GRIA1: variants seen among roughly 807,000 people sequenced by gnomAD.
The protein encoded by GRIA1 is glutamate ionotropic receptor AMPA type subunit 1.
GRIA1 carries 31 observed loss-of-function variants against 99.2 expected under a neutral mutation model. The observed-to-expected ratio is 0.31, with a 90% confidence interval of 0.23 to 0.42. GRIA1 has a LOEUF of 0.42. Among genes scored for constraint, GRIA1 ranks in the 10% least tolerant of loss-of-function variants. The pLI is 1.00. For synonymous variants in GRIA1, 438 were observed against 432.4 expected (o/e 1.01, Z -0.16); for missense variants, 782 against 1,157.5 (o/e 0.68, Z 4.71).
chr5:153,750,952 T>G (rs1762473749), intron 11 of GRIA1, among the ~76,000 whole-genome samples: 1 of 151,912 alleles, frequency 6.6e-6, no homozygotes, highest in Non-Finnish European at 1.5e-5. Flanking sequence ...CAAAAAAAAT[T>G]AGCTAGGCGT....
intron 2 of GRIA1, among the ~76,000 whole-genome samples, chr5:153,498,709 A>G (rs1360145667): frequency 6.6e-6 from 1 of 152,176 alleles, no homozygotes. Context: ...TATTTGGCAT[A>G]AAAATCCAGA....
rs974561632 is a variant in GRIA1, at chr5:153,527,156, A to G, written c.220+33091A>G. 1.8e-4 allele frequency among the ~76,000 whole-genome samples: 27 copies of G among 152,208 alleles called. 1 individual carries two copies. Among genetic ancestry groups the G allele is most frequent in the Non-Finnish European group, 4.4e-5 (3 of 68,036 alleles). On this transcript the variant is annotated intron_variant, in intron 2 of 15. Transcript: ENST00000285900. ...TTGAGAACACAATCCTGAACTCCGC[A>G]ATCTTGAATACTGAAATCGCAAAAA...
chr5:153,758,552 T>C (rs1762976501), intron 11 of GRIA1, among the ~76,000 whole-genome samples: 1 of 151,892 alleles, frequency 6.6e-6, no homozygotes, highest in Non-Finnish European at 1.5e-5. Flanking sequence ...ATCAGAGCAG[T>C]TAAATATGTA....
intron 2 of GRIA1, among the ~76,000 whole-genome samples, chr5:153,643,148 G>T (rs1462567642): frequency 6.6e-6 from 1 of 152,072 alleles, no homozygotes; most frequent in Non-Finnish European, 1.5e-5. Context: ...AGTGCACTGG[G>T]GGTTGCTAGA....
chr5:153,619,765 C>T (rs1055874324), intron 2 of GRIA1, among the ~76,000 whole-genome samples: 6 of 152,116 alleles, frequency 3.9e-5, no homozygotes, highest in African/African-American at 1.4e-4. Flanking sequence ...AACCGTTTGG[C>T]CTTTCTGGCC....
chr5:153,790,109 G>A (rs1216178344), intron 13 of GRIA1, among the ~76,000 whole-genome samples: 1 of 152,182 alleles, frequency 6.6e-6, no homozygotes, highest in Non-Finnish European at 1.5e-5. Flanking sequence ...TTCAGAGCAA[G>A]GCTAACCCCA....
intron 2 of GRIA1, among the ~76,000 whole-genome samples, chr5:153,585,178 C>A (rs956242119): frequency 1.3e-5 from 2 of 152,128 alleles, no homozygotes; most frequent in African/African-American, 4.8e-5. Flanking sequence ...CAAGTTGGAA[C>A]AGCAGGTGCC....
At chr5:153,655,529 C>T (rs1754877765) in intron 4 of GRIA1, among the ~76,000 whole-genome samples, 1 of 152,194 alleles carries the variant, frequency 6.6e-6, no homozygotes, top group Non-Finnish European at 1.5e-5. Flanking sequence ...AGTAACACCA[C>T]TCTACCCTTG....
At chr5:153,686,888 G>A (rs917285489) in intron 8 of GRIA1, among the ~76,000 whole-genome samples, 5 of 152,096 alleles carry the variant, frequency 3.3e-5, no homozygotes, top group Non-Finnish European at 7.4e-5. Flanking sequence ...ATGTGCCCGG[G>A]CCTCTGCCGA....
intron 13 of GRIA1, among the ~76,000 whole-genome samples, chr5:153,785,180 AC>A (rs1158567994): frequency 1.3e-5 from 2 of 152,086 alleles, no homozygotes; most frequent in African/African-American, 4.8e-5. Flanking sequence ...AGAACTGTGC[AC>A]CCCTGAACCC....
intron 2 of GRIA1, among the ~76,000 whole-genome samples, chr5:153,612,702 G>T (rs144526411): frequency 2.6e-5 from 4 of 152,162 alleles, no homozygotes; most frequent in Middle Eastern, 3.2e-3. Context: ...TGCATAATCC[G>T]TAAGGGACTT....
chr5:153,741,524 AATAG>A (rs573023659), intron 11 of GRIA1, among the ~76,000 whole-genome samples: 8 of 152,342 alleles, frequency 5.3e-5, no homozygotes, highest in East Asian at 3.8e-4. Context: ...TTGACAGATG[AATAG>A]ATAAAGAAAA....
rs368159001 is a variant in GRIA1 at position 153,647,094 on chromosome 5, G to T, written c.387G>T (p.Leu129=). The change falls in exon 3 of 16, where the codon CTG becomes CTT. Residue 129 remains leucine (L), a synonymous_variant. Coordinates refer to ENST00000285900, the MANE Select transcript of GRIA1 (RefSeq NM_000827.4). ...TTGTCCTTCAGCTGCGCCCTGAACT[G>T]CAGGATGCCCTCATCAGCATCATTG... The part of the protein sequence containing the change: ...NQFVLQLRPE[L]QDALISIIDH... 3.1e-6 allele frequency: 5 copies of T among 1,613,864 alleles called. No homozygotes were observed. The highest frequency in any genetic ancestry group is 4.2e-6 in the Non-Finnish European group (5 of 1,179,876).
At chr5:153,772,248 G>A (rs2149621189) in intron 13 of GRIA1, among the ~76,000 whole-genome samples, 1 of 151,952 alleles carries the variant, frequency 6.6e-6, no homozygotes, top group African/African-American at 2.4e-5. Flanking sequence ...TGGGAAGACA[G>A]GTCCAAAGAT....
chr5:153,811,010 G>A lies in GRIA1; in HGVS notation c.2521-15G>A, dbSNP rs778209498. 6 of 1,608,214 alleles carry A rather than the reference G, an allele frequency of 3.7e-6. No homozygotes were observed. The South Asian group carries it at 5.5e-5, about 15-fold the overall frequency. ...GCCAAGGACCCGGGGAAGAACCCCC[G>A]GTCCTCCTGAAAAGGGTTTTTGTTT... On this transcript the variant is annotated splice_polypyrimidine_tract_variant and intron_variant, in intron 15 of 15. Coordinates refer to ENST00000285900, the MANE Select transcript of GRIA1 (RefSeq NM_000827.4).
At chr5:153,510,596 A>G (rs760002971) in intron 2 of GRIA1, among the ~76,000 whole-genome samples, 1 of 152,184 alleles carries the variant, frequency 6.6e-6, no homozygotes, top group Non-Finnish European at 1.5e-5. Context: ...GGAGCTCTGC[A>G]AGATACATTT....
chr5:153,782,763 C>A (rs1325371000), intron 13 of GRIA1, among the ~76,000 whole-genome samples: 1 of 152,146 alleles, frequency 6.6e-6, no homozygotes. Flanking sequence ...GTAGAGAGAA[C>A]AGCCAGGCGG....
At chr5:153,514,197 A>C (rs1245497019) in intron 2 of GRIA1, among the ~76,000 whole-genome samples, 1 of 152,174 alleles carries the variant, frequency 6.6e-6, no homozygotes, top group Non-Finnish European at 1.5e-5. Context: ...TCATGTTGTG[A>C]TGCGTTTTTT....
At chr5:153,741,950 A>G (rs1761831615) in intron 11 of GRIA1, among the ~76,000 whole-genome samples, 2 of 151,742 alleles carry the variant, frequency 1.3e-5, no homozygotes, top group South Asian at 4.1e-4. Context: ...AAAAAAAAAA[A>G]GAAAAAGAGG....
Sources: gnomAD v4.1 joint callset for allele counts (sites outside exome capture counted in the v4.1 genomes callset) on GRCh38, gnomAD v4.1.1 for gene constraint, MANE v1.5 for transcripts, NCBI Gene and HGNC (gene_info 2026-07-23, HGNC 2026-07-21) for gene names.